The following NAV1 variants were observed in gnomAD, a reference collection of about 807,000 sequenced individuals.
The protein encoded by NAV1 is neuron navigator 1, also known as pore membrane and/or filament interacting like protein 3.
In NAV1, 18 loss-of-function variants were observed where a neutral mutation model predicts 175.2. That is an observed-to-expected ratio of 0.10 (90% CI 0.07 to 0.15). The LOEUF is 0.15. NAV1 is among the 10% of genes least tolerant of loss of function. The probability of loss-of-function intolerance (pLI) is 1.00; values close to 1 mark genes in which losing one functional copy is unlikely to be tolerated. For synonymous variants in NAV1, 897 were observed against 978.7 expected, an observed-to-expected ratio of 0.92 and a Z score of 1.56; for missense variants, 1,731 against 2,436.6, an observed-to-expected ratio of 0.71 and a Z score of 6.10.
Position 201,694,249 on chromosome 1 carries a change from G to C in NAV1, c.758-18568G>C, listed in dbSNP as rs959897570. Among the ~76,000 whole-genome samples, 1 of 152,234 alleles carries C rather than the reference G, an allele frequency of 6.6e-6. No homozygotes were observed. The highest frequency in any genetic ancestry group is 2.4e-5 in the African/African-American group (1 of 41,462). On this transcript the variant is annotated intron_variant, in intron 1 of 29. Transcript: ENST00000367296. The surrounding 1 kb of genome is among the most constrained non-coding windows in gnomAD (Gnocchi z 4.2). ...CATCACTGAGAACTCCCCCAGTTGGGGTGTAGAGGCATAGGGGAAGTCAAA... is the reference window on the plus strand; with the variant it reads ...CATCACTGAGAACTCCCCCAGTTGGCGTGTAGAGGCATAGGGGAAGTCAAA...
chr1:201,669,585 A>G (rs1386568072), intron 1 of NAV1, among the ~76,000 whole-genome samples: 1 of 152,214 alleles, frequency 6.6e-6, no homozygotes, highest in Non-Finnish European at 1.5e-5. Flanking sequence ...GAAAGCTTTT[A>G]ATTGGGGAAA....
intron 3 of NAV1, among the ~76,000 whole-genome samples, chr1:201,767,265 A>G (rs906345386): frequency 1.3e-5 from 2 of 151,658 alleles, no homozygotes; most frequent in African/African-American, 4.8e-5. Flanking sequence ...AGCCTGGCCA[A>G]TGTGGTGAAA....
intron 2 of NAV1, among the ~76,000 whole-genome samples, chr1:201,609,252 G>C (rs1667778784): frequency 6.6e-6 from 1 of 152,206 alleles, no homozygotes; most frequent in South Asian, 2.1e-4. Context: ...AGTGTAGCCA[G>C]CCTGGAGCTG....
In NAV1 at chr1:201,745,333, A is replaced by T. The variant is rs538070985; in HGVS notation, c.1226+26578A>T. Among the ~76,000 whole-genome samples, 22 of 152,354 alleles carry T rather than the reference A, an allele frequency of 1.4e-4. No homozygotes were observed. In the East Asian group the frequency reaches 4.0e-3, roughly 28 times the overall value. On this transcript the variant is annotated intron_variant, in intron 3 of 29. Coordinates refer to ENST00000367296, the Ensembl canonical transcript of NAV1. ...ATTGAGCATAATCAAGGAATGCTTG[A>T]TGTAACCCATGGACTTACAAAGGAT...
chr1:201,809,050 C>T (rs1441429956), intron 20 of NAV1, 114 bp from the exon 25 acceptor site: 5 of 1,299,716 alleles, frequency 3.8e-6, no homozygotes, highest in Admixed American at 3.8e-5. Context: ...GAGTTTGGGA[C>T]CTCCATTCCT....
intron 1 of NAV1, among the ~76,000 whole-genome samples, chr1:201,542,025 A>G (rs1665530360): frequency 6.6e-6 from 1 of 152,176 alleles, no homozygotes; most frequent in African/African-American, 2.4e-5. Flanking sequence ...CCAGAATGTC[A>G]AAGTTAAAAG....
At chr1:201,589,763 A>G in intron 2 of NAV1, among the ~76,000 whole-genome samples, 1 of 152,210 alleles carries the variant, frequency 6.6e-6, no homozygotes, top group East Asian at 1.9e-4. Flanking sequence ...AAGAGCTGGG[A>G]TTACAGGCGT....
chr1:201,719,509 G>C (rs756479191), intron 3 of NAV1: 1 of 154,140 alleles, frequency 6.5e-6, no homozygotes, highest in Non-Finnish European at 1.5e-5. Flanking sequence ...CCTTGGAAGA[G>C]TTGGCCAGGA....
chr1:201,811,508 T>A, intron 24 of NAV1, 95 bp from the exon 29 acceptor site: 1 of 1,473,032 alleles, frequency 6.8e-7, no homozygotes, highest in South Asian at 1.2e-5. Flanking sequence ...CCCAGGGGAA[T>A]CTAGATCTAG....
chr1:201,762,479 C>G (rs888892834), intron 3 of NAV1, among the ~76,000 whole-genome samples: 2 of 152,154 alleles, frequency 1.3e-5, no homozygotes, highest in Admixed American at 6.5e-5. Flanking sequence ...TTGGAAGGAA[C>G]AAAAGAAGAA....
At chr1:201,575,516 CG>C (rs1666668408) in intron 1 of NAV1, among the ~76,000 whole-genome samples, 1 of 152,104 alleles carries the variant, frequency 6.6e-6, no homozygotes. Flanking sequence ...TTCAGAACTG[CG>C]TATCTACATC....
chr1:201,693,945 G>A (rs1671071137), intron 1 of NAV1, among the ~76,000 whole-genome samples: 1 of 152,182 alleles, frequency 6.6e-6, no homozygotes, highest in Admixed American at 6.5e-5. Context: ...CTGGGGGCAG[G>A]ACCTGTCTGA....
At chr1:201,548,806 T>A (rs1223665645) in intron 1 of NAV1, among the ~76,000 whole-genome samples, 1 of 152,242 alleles carries the variant, frequency 6.6e-6, no homozygotes, top group Non-Finnish European at 1.5e-5. Context: ...TTAGTGTAAG[T>A]GCTCTAAACT....
At chr1:201,600,635 C>T (rs1667487390) in intron 2 of NAV1, among the ~76,000 whole-genome samples, 2 of 151,996 alleles carry the variant, frequency 1.3e-5, no homozygotes, top group South Asian at 4.2e-4. Flanking sequence ...TCTAAAATTA[C>T]TTCAAAATAA....
intron 1 of NAV1, among the ~76,000 whole-genome samples, chr1:201,586,350 G>A (rs1667027441): frequency 2.0e-5 from 3 of 152,174 alleles, no homozygotes; most frequent in African/African-American, 7.2e-5. Flanking sequence ...TTTAAGTTTT[G>A]CAACATGATA....
At chr1:201,601,592 A>T (rs993532918) in intron 2 of NAV1, among the ~76,000 whole-genome samples, 3 of 152,130 alleles carry the variant, frequency 2.0e-5, no homozygotes, top group Non-Finnish European at 4.4e-5. Context: ...GGCCCTTATA[A>T]AAGAGACCTT....
intron 1 of NAV1, among the ~76,000 whole-genome samples, chr1:201,680,886 A>G (rs1271420269): frequency 2.0e-5 from 3 of 152,132 alleles, no homozygotes; most frequent in Admixed American, 6.5e-5. Context: ...TGTGATCGCA[A>G]CGCCACACTT....
In NAV1 at chr1:201,782,054, A is replaced by T; in HGVS notation, c.1664-122A>T. The T allele has an allele frequency of 1.2e-6, 1 of 808,762 alleles. No individual in the cohort carries two copies. The highest frequency in any genetic ancestry group is 1.9e-6 in the Non-Finnish European group (1 of 526,538). The allele number at this position is 808,762 out of a possible 1,614,324, so 50.1% of individuals were successfully genotyped here. The stretch of plus-strand genomic sequence containing the variant: ...ATCTTGTACCTGTTTACCCAAATTT[A>T]GGCCTCTAAAAGTCTACAATACATG... On this transcript the variant is annotated intron_variant, in intron 5 of 29. Transcript: ENST00000367296. The surrounding 1 kb of genome is among the most constrained non-coding windows in gnomAD (Gnocchi z 5.4).
chr1:201,795,748 C>A (rs1677404661), intron 15 of NAV1: 1 of 139,086 alleles, frequency 7.2e-6, no homozygotes, highest in Non-Finnish European at 1.6e-5. Context: ...ACTTATTTTC[C>A]TTTTTTTTTT....
Sources: gnomAD v4.1 joint callset for allele counts (sites outside exome capture counted in the v4.1 genomes callset) on GRCh38, gnomAD v4.1.1 for gene constraint, Gnocchi (gnomAD v3.1) non-coding constraint, MANE v1.5 for transcripts, NCBI Gene and HGNC (gene_info 2026-07-23, HGNC 2026-07-21) for gene names.